ASZ1: variants seen among roughly 807,000 people sequenced by gnomAD.
ASZ1 encodes ankyrin repeat, SAM and basic leucine zipper domain containing 1, also known as ankyrin repeat, SAM and basic leucine zipper domain-containing protein 1.
Under a neutral mutation model 61.8 loss-of-function variants are expected in ASZ1, and 67 were observed. The observed-to-expected ratio is 1.08, with a 90% CI of 0.89 to 1.33. The LOEUF (loss-of-function observed/expected upper bound fraction) is 1.33. Among genes scored for constraint, ASZ1 ranks in the 40% most tolerant of loss-of-function variants. The pLI is 0.00. For synonymous variants in ASZ1, 193 were observed against 192.7 expected (o/e 1.00, Z -0.01); for missense variants, 577 against 554.5 (o/e 1.04, Z -0.41).
intron 4 of ASZ1, 85 bp from the exon 5 acceptor site, chr7:117,385,894 C>T: frequency 9.4e-7 from 1 of 1,062,282 alleles, no homozygotes; most frequent in Non-Finnish European, 1.4e-6. Context: ...CACAATACCA[C>T]CAGTACTGCT....
At chr7:117,403,737 T>C (rs899120837) in intron 4 of ASZ1, among the ~76,000 whole-genome samples, 2 of 152,116 alleles carry the variant, frequency 1.3e-5, no homozygotes, top group Admixed American at 1.3e-4. Flanking sequence ...TTGGCTCCAG[T>C]ATCCACTATA....
At chr7:117,379,133 T>TTATATA (rs370500034) in intron 10 of ASZ1, among the ~76,000 whole-genome samples, 196 of 104,544 alleles carry the variant, frequency 1.9e-3, no homozygotes, top group Non-Finnish European at 2.9e-3. Flanking sequence ...TGTGATAAAA[T>TTATATA]TATATATATA....
At position 117,381,065 on chromosome 7, in the gene ASZ1, T is replaced by C. The variant is rs1179551332; in HGVS notation, c.891A>G (p.Glu297=). The C allele has an allele frequency of 1.3e-6, 2 of 1,582,128 alleles. No homozygotes were observed. The highest frequency in any genetic ancestry group is 2.3e-5 in the South Asian group (2 of 86,092). The change falls in exon 9 of 13, where the codon GAA becomes GAG. Residue 297 remains glutamate (E), a splice_region_variant and synonymous_variant. Coordinates refer to ENST00000284629, the MANE Select transcript of ASZ1 (RefSeq NM_130768.3). ...GLEHMTDLLK[E]RDITLRHLLT... ...AAAGATGTCTTAACGTTATATCCCTTTCCTGTATAAAAGGAAAAAAAGGCC... is the reference window on the plus strand; with the variant it reads ...AAAGATGTCTTAACGTTATATCCCTCTCCTGTATAAAAGGAAAAAAAGGCC...
rs1797076428 is a variant in ASZ1 at position 117,420,281 on chromosome 7, T to C, written c.329-7A>G. 1.3e-6 allele frequency: 2 copies of C among 1,599,662 alleles called. No homozygotes were observed. Among genetic ancestry groups the C allele is most frequent in the African/African-American group, 2.7e-5 (2 of 74,510 alleles). Reference sequence around the variant, plus strand: ...ATCAAAATACTTTGCTTATCTATAGTGAATAGAAAAGTGAGGAAAAATCCC... The same window carrying C: ...ATCAAAATACTTTGCTTATCTATAGCGAATAGAAAAGTGAGGAAAAATCCC... On this transcript the variant is annotated splice_polypyrimidine_tract_variant and splice_region_variant and intron_variant, in intron 3 of 12. Coordinates refer to ENST00000284629, the MANE Select transcript of ASZ1 (RefSeq NM_130768.3).
intron 4 of ASZ1, among the ~76,000 whole-genome samples, chr7:117,398,088 T>C (rs1796609524): frequency 6.6e-6 from 1 of 152,266 alleles, no homozygotes; most frequent in Non-Finnish European, 1.5e-5. Context: ...TGGTTGGTCT[T>C]CATGTCATAT....
chr7:117,409,762 C>T (rs1231714400), intron 4 of ASZ1, among the ~76,000 whole-genome samples: 1 of 151,736 alleles, frequency 6.6e-6, no homozygotes, highest in Non-Finnish European at 1.5e-5. Context: ...AACTTCACTA[C>T]CTCCTCTCCA....
chr7:117,364,114 G>A (rs56088730), intron 12 of ASZ1, among the ~76,000 whole-genome samples: 3 of 152,208 alleles, frequency 2.0e-5, no homozygotes, highest in African/African-American at 4.8e-5. Flanking sequence ...ATCAATTAAC[G>A]TCTTACAAAA....
chr7:117,391,772 AG>A (rs1275602734), intron 4 of ASZ1, among the ~76,000 whole-genome samples: 1 of 151,906 alleles, frequency 6.6e-6, no homozygotes, highest in Admixed American at 6.6e-5. Context: ...TTGGCTGTTC[AG>A]GTTCTTTTTT....
At chr7:117,412,520 A>G (rs967668234) in intron 4 of ASZ1, among the ~76,000 whole-genome samples, 2 of 151,910 alleles carry the variant, frequency 1.3e-5, no homozygotes, top group Non-Finnish European at 2.9e-5. Context: ...ATGTTCTGAG[A>G]AAGTAGGCAA....
In ASZ1 at chr7:117,420,235, C is replaced by A; in HGVS notation, c.368G>T (p.Gly123Val). 2 of 1,612,626 alleles carry A rather than the reference C, an allele frequency of 1.2e-6. No individual in the cohort carries two copies. Among genetic ancestry groups the A allele is most frequent in the Non-Finnish European group, 8.5e-7 (1 of 1,179,668 alleles). The change falls in exon 4 of 13, where the codon GGC (glycine) becomes GTC (valine). Residue 123 changes from glycine to valine, a missense_variant. Physicochemically the swap from Gly to Val is moderately radical, Grantham distance 109. Transcript: ENST00000284629. ...SILITACSAH[G>V]SEEQILKCVE... The stretch of plus-strand genomic sequence containing the variant: ...ACACTTCAAGATCTGTTCCTCTGAG[C>A]CATGAGCAGAACATGCAGTTATCAA...
chr7:117,416,513 T>C (rs1363519761), intron 4 of ASZ1, among the ~76,000 whole-genome samples: 1 of 152,218 alleles, frequency 6.6e-6, no homozygotes, highest in Non-Finnish European at 1.5e-5. Context: ...TAAAATTTAT[T>C]ATATTCAGTT....
At chr7:117,386,821 ATATC>A (rs996439157) in intron 4 of ASZ1, among the ~76,000 whole-genome samples, 21 of 152,170 alleles carry the variant, frequency 1.4e-4, no homozygotes, top group African/African-American at 4.1e-4. Flanking sequence ...CAATTCATAT[ATATC>A]TGTTTCTTAT....
In ASZ1 at chr7:117,427,466, C is replaced by T; in HGVS notation, c.-6G>A. On this transcript the variant is annotated 5_prime_UTR_variant, in exon 1 of 13. Coordinates refer to ENST00000284629, the MANE Select transcript of ASZ1 (RefSeq NM_130768.3). ...CGCAGCGCGCTCGCCGCCATGCCAG[C>T]CAAGGAAGCTCCCTGTCGGCACCGC... 6.2e-7 allele frequency: 1 copy of T among 1,613,736 alleles called. No homozygotes were observed. Among genetic ancestry groups the T allele is most frequent in the Non-Finnish European group, 8.5e-7 (1 of 1,179,772 alleles).
rs548389402 is a variant in ASZ1 at position 117,418,244 on chromosome 7, T to C, written c.440+1919A>G. ...AGGTATACATCAAAATTACAACTCA[T>C]GGAAGTTTACTTCAGCAAGGAGTAC... On this transcript the variant is annotated intron_variant, in intron 4 of 12. Transcript: ENST00000284629. 7.3e-4 allele frequency among the ~76,000 whole-genome samples: 111 copies of C among 152,316 alleles called. 2 individuals are homozygous for C. In the South Asian group the frequency reaches 0.022, roughly 30 times the overall value.
At chr7:117,425,164 C>T (rs1327518022) in intron 2 of ASZ1, among the ~76,000 whole-genome samples, 1 of 151,852 alleles carries the variant, frequency 6.6e-6, no homozygotes, top group Non-Finnish European at 1.5e-5. Flanking sequence ...CATCTAACTA[C>T]CTTGTGTGTG....
In ASZ1 at chr7:117,427,363, G is replaced by A. The variant is rs113501399; in HGVS notation, c.98C>T (p.Thr33Met). 9 of 1,614,190 alleles carry A rather than the reference G, an allele frequency of 5.6e-6. No homozygotes were observed. Among genetic ancestry groups the A allele is most frequent in the East Asian group, 2.2e-5 (1 of 44,876 alleles). ...CAAGGCCTCCTCCGCTACCTGAGAC[G>A]TCCGGTCGAGATACCCAATCTCCCA... ...DGWEIGYLDR[T>M]SQKLKRLLPI... Residue 33 changes from threonine (T) to methionine (M), a missense_variant, in exon 1 of 13, where the codon ACG (threonine) becomes ATG (methionine). Thr to Met is a moderately conservative substitution (Grantham distance 81). Coordinates refer to ENST00000284629, the MANE Select transcript of ASZ1 (RefSeq NM_130768.3).
In ASZ1 at chr7:117,422,260, C is replaced by G. The variant is rs1797111491; in HGVS notation, c.305G>C (p.Gly102Ala). The G allele has an allele frequency of 3.1e-6, 5 of 1,613,854 alleles. No individual in the cohort carries two copies. Among genetic ancestry groups the G allele is most frequent in the Non-Finnish European group, 4.2e-6 (5 of 1,179,916 alleles). The change falls in exon 3 of 13, where the codon GGT (glycine) becomes GCT (alanine). Residue 102 changes from glycine (G) to alanine (A), a missense_variant. Physicochemically the swap from Gly to Ala is moderately conservative, Grantham distance 60. Coordinates refer to ENST00000284629, the MANE Select transcript of ASZ1 (RefSeq NM_130768.3). ...ACCCTTCTCAAAGCTTGCATTAGCA[C>G]CTCTGTCCAAAAGGACCCGAACCAG... ...AELVRVLLDRGANASFEKDKQ... is the reference protein window; with the variant it reads ...AELVRVLLDRAANASFEKDKQ...
chr7:117,381,494 T>A lies in ASZ1; in HGVS notation c.889-427A>T, dbSNP rs1013419562. 5.3e-5 allele frequency among the ~76,000 whole-genome samples: 8 copies of A among 152,124 alleles called. 1 individual carries two copies. The highest frequency in any genetic ancestry group is 4.6e-4 in the Admixed American group (7 of 15,254). The stretch of plus-strand genomic sequence containing the variant: ...ACAACTCTGAAATATTTTAACAGAA[T>A]GTGCACACTCCCAAGAAGAGTCTAT... On this transcript the variant is annotated intron_variant, in intron 8 of 12. Transcript: ENST00000284629.
chr7:117,424,366 A>G (rs1054780593), intron 2 of ASZ1, among the ~76,000 whole-genome samples: 1 of 152,226 alleles, frequency 6.6e-6, no homozygotes, highest in Non-Finnish European at 1.5e-5. Flanking sequence ...AAAGAGTTAC[A>G]TAATGACATC....
Sources: gnomAD v4.1 joint callset for allele counts (sites outside exome capture counted in the v4.1 genomes callset) on GRCh38, gnomAD v4.1.1 for gene constraint, MANE v1.5 for transcripts, NCBI Gene and HGNC (gene_info 2026-07-23, HGNC 2026-07-21) for gene names.